The following PALLD variants were observed in gnomAD, a reference collection of about 807,000 sequenced individuals.
PALLD encodes palladin.
A neutral mutation model predicts 123.5 loss-of-function variants in PALLD; 61 were observed. That is an observed-to-expected ratio of 0.49 (90% CI 0.40 to 0.61). The LOEUF is 0.61. PALLD is among the 20% of genes least tolerant of loss of function. The pLI, the probability that PALLD is intolerant of heterozygous loss-of-function variation, is 0.00. For synonymous variants in PALLD, 465 were observed against 496.4 expected (o/e 0.94, Z 0.84); for missense variants, 1,273 against 1,377.0 (o/e 0.92, Z 1.20).
chr4:168,680,391 A>G (rs757657779), intron 3 of PALLD, among the ~76,000 whole-genome samples: 14 of 145,148 alleles, frequency 9.6e-5, no homozygotes, highest in African/African-American at 2.8e-4. Flanking sequence ...AGAAGGCAGG[A>G]GAATCACTTG....
In PALLD at chr4:168,802,078, TAAG is replaced by T. The variant is rs1196619292; in HGVS notation, c.1965-88840_1965-88838del. ...TTATTTTGTTTGTGCACTCATCATT[TAAG>T]AAGTATGTGAGAGCCTACAAAATTG... On this transcript the variant is annotated intron_variant, in intron 10 of 21. Transcript: ENST00000505667. 3.9e-5 allele frequency among the ~76,000 whole-genome samples: 6 copies of T among 152,212 alleles called. No homozygotes were observed. In the South Asian group the frequency reaches 8.3e-4, roughly 21 times the overall value.
At chr4:168,875,152 C>T (rs981900749) in intron 10 of PALLD, among the ~76,000 whole-genome samples, 2 of 150,212 alleles carry the variant, frequency 1.3e-5, no homozygotes, top group Non-Finnish European at 3.0e-5. Context: ...GTTGGAAATA[C>T]ATAGTATTTC....
intron 8 of PALLD, among the ~76,000 whole-genome samples, chr4:168,692,166 C>G (rs1782695255): frequency 6.6e-6 from 1 of 152,158 alleles, no homozygotes; most frequent in Non-Finnish European, 1.5e-5. Flanking sequence ...TCTGACTCTT[C>G]TTGGGGGAAC....
At chr4:168,582,301 C>T (rs1453804284) in intron 2 of PALLD, among the ~76,000 whole-genome samples, 1 of 152,050 alleles carries the variant, frequency 6.6e-6, no homozygotes, top group Non-Finnish European at 1.5e-5. Flanking sequence ...AGAAACACAA[C>T]TGACTTTTGT....
At chr4:168,598,806 A>G in intron 2 of PALLD, 1 of 290,208 alleles carries the variant, frequency 3.4e-6, no homozygotes, top group Non-Finnish European at 7.0e-6. Context: ...GTCCTCCAAC[A>G]CCAGCATACA....
chr4:168,887,116 C>A (rs900655115), intron 10 of PALLD, among the ~76,000 whole-genome samples: 420 of 94,386 alleles, frequency 4.4e-3, no homozygotes, highest in South Asian at 6.8e-3. Flanking sequence ...GACTCTGTCT[C>A]AAAAAAAAAA....
intron 10 of PALLD, among the ~76,000 whole-genome samples, chr4:168,779,613 T>C (rs571989166): frequency 6.6e-6 from 1 of 152,190 alleles, no homozygotes; most frequent in East Asian, 1.9e-4. Context: ...CTGTGACTTA[T>C]TTGGCTTTTA....
chr4:168,896,534 T>C lies in PALLD; in HGVS notation c.2200-15T>C, dbSNP rs571138706. 2.1e-6 allele frequency: 3 copies of C among 1,431,140 alleles called. No individual in the cohort carries two copies. Among genetic ancestry groups the C allele is most frequent in the East Asian group, 4.9e-5 (2 of 40,418 alleles). 88.7% of individuals were successfully genotyped at this position (1,431,140 alleles called of 1,614,324 possible). A position where few individuals can be genotyped will look rare whatever the true frequency, so the allele number is the denominator to read the frequency against. On this transcript the variant is annotated splice_polypyrimidine_tract_variant and intron_variant, in intron 12 of 21. Transcript: ENST00000505667. ...TCTATTATTAGTCTTCACATCTTTT[T>C]TTCTACCATTACAGGACATTGGTTC...
intron 2 of PALLD, among the ~76,000 whole-genome samples, chr4:168,547,701 G>A (rs1766290688): frequency 6.6e-6 from 1 of 151,844 alleles, no homozygotes; most frequent in Non-Finnish European, 1.5e-5. Context: ...TGCAATCCCA[G>A]GACTTTGGGA....
chr4:168,782,548 T>C (rs1000305326), intron 10 of PALLD, among the ~76,000 whole-genome samples: 2 of 152,164 alleles, frequency 1.3e-5, no homozygotes, highest in Admixed American at 6.5e-5. Context: ...GTATTTTACA[T>C]AGTCCTTGTT....
At chr4:168,817,006 G>A (rs569061784) in intron 10 of PALLD, among the ~76,000 whole-genome samples, 3 of 152,110 alleles carry the variant, frequency 2.0e-5, no homozygotes, top group African/African-American at 7.2e-5. Flanking sequence ...CAGAATAGAA[G>A]TGTGTCAGGG....
intron 10 of PALLD, among the ~76,000 whole-genome samples, chr4:168,778,793 C>G (rs1253590028): frequency 1.3e-5 from 2 of 152,200 alleles, no homozygotes; most frequent in East Asian, 3.8e-4. Flanking sequence ...GAAGAGCCAG[C>G]ATTTGAACCC....
chr4:168,735,932 A>G (rs1787703147), intron 10 of PALLD, among the ~76,000 whole-genome samples: 3 of 152,120 alleles, frequency 2.0e-5, no homozygotes, highest in Admixed American at 2.0e-4. Flanking sequence ...TACTCCTATT[A>G]ATAGCTGGGC....
intron 1 of PALLD, among the ~76,000 whole-genome samples, chr4:168,510,821 A>G (rs1762463128): frequency 6.6e-6 from 1 of 152,340 alleles, no homozygotes; most frequent in African/African-American, 2.4e-5. Context: ...CACAAAGTCA[A>G]GAGTATCTAC....
At chr4:168,832,999 C>G (rs1015220992) in intron 10 of PALLD, 3 of 152,220 alleles carry the variant, frequency 2.0e-5, no homozygotes, top group African/African-American at 7.2e-5. Flanking sequence ...GGGAGGGTCC[C>G]GTGAGCAGCC....
intron 1 of PALLD, among the ~76,000 whole-genome samples, chr4:168,499,196 A>AG (rs1761070925): frequency 3.1e-5 from 4 of 128,040 alleles, no homozygotes. Context: ...AAAAAAAAAA[A>AG]AAAAAAAAAA....
chr4:168,853,893 C>T (rs1397827326), intron 10 of PALLD, among the ~76,000 whole-genome samples: 1 of 152,130 alleles, frequency 6.6e-6, no homozygotes, highest in African/African-American at 2.4e-5. Context: ...TGAGATGAGA[C>T]GGATGGAGAC....
intron 10 of PALLD, among the ~76,000 whole-genome samples, chr4:168,799,815 G>A (rs1184100275): frequency 6.6e-6 from 1 of 151,602 alleles, no homozygotes; most frequent in Admixed American, 6.6e-5. Context: ...GGCAGAAAAT[G>A]TAAATAATAC....
At chr4:168,708,321 T>C (rs997006817) in intron 8 of PALLD, among the ~76,000 whole-genome samples, 2 of 152,196 alleles carry the variant, frequency 1.3e-5, no homozygotes, top group African/African-American at 4.8e-5. Flanking sequence ...GTGGTTAATT[T>C]TGTGTGTCAT....
Sources: gnomAD v4.1 joint callset for allele counts (sites outside exome capture counted in the v4.1 genomes callset) on GRCh38, gnomAD v4.1.1 for gene constraint, MANE v1.5 for transcripts, NCBI Gene and HGNC (gene_info 2026-07-23, HGNC 2026-07-21) for gene names.